MAP3K20: variants seen among roughly 807,000 people sequenced by gnomAD.
MAP3K20 encodes the protein mitogen-activated protein kinase kinase kinase 20, also known as HCCS-4.
Under a neutral mutation model 85.7 loss-of-function variants are expected in MAP3K20, and 40 were observed. That is an observed-to-expected ratio of 0.47 (90% CI 0.36 to 0.61). MAP3K20 has a LOEUF of 0.61. Ranked by LOEUF, MAP3K20 falls within the 20% of genes least tolerant of loss-of-function variation. MAP3K20 has a pLI of 0.00. For synonymous variants in MAP3K20, 325 were observed against 327.7 expected (o/e 0.99, Z 0.09); for missense variants, 817 against 961.7 (o/e 0.85, Z 1.99).
intron 2 of MAP3K20, among the ~76,000 whole-genome samples, chr2:173,130,741 A>C (rs146903760): frequency 6.6e-6 from 1 of 152,234 alleles, no homozygotes; most frequent in East Asian, 1.9e-4. Context: ...TATATGGAAC[A>C]GACTTTGCGA....
At chr2:173,106,780 T>C (rs1175017338) in intron 2 of MAP3K20, among the ~76,000 whole-genome samples, 1 of 152,020 alleles carries the variant, frequency 6.6e-6, no homozygotes, top group Non-Finnish European at 1.5e-5. Flanking sequence ...GAACAGGTAA[T>C]GATAGGTCAA....
At chr2:173,205,096 C>CT (rs1362359293) in intron 9 of MAP3K20, among the ~76,000 whole-genome samples, 1 of 123,414 alleles carries the variant, frequency 8.1e-6, no homozygotes, top group Non-Finnish European at 1.6e-5. Context: ...GAGCGAGACT[C>CT]TGTCTCAAAA....
chr2:173,220,396 T>C (rs1026332157), intron 11 of MAP3K20, among the ~76,000 whole-genome samples: 3 of 152,220 alleles, frequency 2.0e-5, no homozygotes, highest in Non-Finnish European at 4.4e-5. Flanking sequence ...ACTTGAATAT[T>C]AGAGCGTATT....
chr2:173,217,727 A>G (rs1270290498), intron 11 of MAP3K20, among the ~76,000 whole-genome samples: 2 of 152,214 alleles, frequency 1.3e-5, no homozygotes, highest in Non-Finnish European at 2.9e-5. Flanking sequence ...GCAAATGAGA[A>G]GCATTAATAT....
intron 14 of MAP3K20, among the ~76,000 whole-genome samples, chr2:173,233,662 C>T (rs1684579367): frequency 6.6e-6 from 1 of 152,156 alleles, no homozygotes; most frequent in Non-Finnish European, 1.5e-5. Flanking sequence ...AGGCAGCCTC[C>T]TGTCCAAATC....
chr2:173,154,064 G>T (rs1689384164), intron 2 of MAP3K20, among the ~76,000 whole-genome samples: 1 of 151,830 alleles, frequency 6.6e-6, no homozygotes, highest in South Asian at 2.1e-4. Flanking sequence ...CAGTCACACT[G>T]CTGTGTGTTA....
intron 1 of MAP3K20, among the ~76,000 whole-genome samples, chr2:173,083,608 A>G (rs1266691890): frequency 6.6e-6 from 1 of 152,188 alleles, no homozygotes; most frequent in Non-Finnish European, 1.5e-5. Context: ...CCTTGGTGTT[A>G]CGGACAAATA....
chr2:173,133,710 C>CT (rs964319611), intron 2 of MAP3K20, among the ~76,000 whole-genome samples: 1 of 151,818 alleles, frequency 6.6e-6, no homozygotes, highest in Non-Finnish European at 1.5e-5. Context: ...TCCGAGGCTC[C>CT]TGTGTGTGTG....
In MAP3K20 at chr2:173,189,951, C is replaced by T. The variant is rs140926780; in HGVS notation, c.416-944C>T. Among the ~76,000 whole-genome samples, 58 of 152,290 alleles carry T rather than the reference C, an allele frequency of 3.8e-4. No homozygotes were observed. In the East Asian group the frequency reaches 9.8e-3, roughly 26 times the overall value. ...ACAAAACCTTGAGTGCCAAGTGATG[C>T]CCTTGCCTCCAGGTCTATTCTTCTC... On this transcript the variant is annotated intron_variant, in intron 5 of 19. Coordinates refer to ENST00000375213, the MANE Select transcript of MAP3K20 (RefSeq NM_016653.3).
At chr2:173,155,917 T>C (rs1212909343) in intron 2 of MAP3K20, among the ~76,000 whole-genome samples, 1 of 152,228 alleles carries the variant, frequency 6.6e-6, no homozygotes, top group East Asian at 1.9e-4. Flanking sequence ...GATGTGCCAC[T>C]ATACCCAGCT....
intron 19 of MAP3K20, 39 bp downstream of exon 19, chr2:173,263,934 C>T (rs1685353881): frequency 1.9e-6 from 3 of 1,569,100 alleles, no homozygotes; most frequent in Non-Finnish European, 2.6e-6. Flanking sequence ...TGCTAGATTC[C>T]AGAAACTTAA....
At chr2:173,103,231 C>T (rs62175803) in intron 2 of MAP3K20, among the ~76,000 whole-genome samples, 4,451 of 152,156 alleles carry the variant, frequency 0.029, 100 homozygotes, top group Middle Eastern at 0.068. Flanking sequence ...TTCTTAACTA[C>T]ACAGTAAAGC....
chr2:173,126,231 GTT>G (rs1467772909), intron 2 of MAP3K20, among the ~76,000 whole-genome samples: 1 of 152,174 alleles, frequency 6.6e-6, no homozygotes, highest in African/African-American at 2.4e-5. Flanking sequence ...GTATTTTAGA[GTT>G]TCATATTATA....
At chr2:173,264,923 A>C (rs1253420212) in intron 19 of MAP3K20, among the ~76,000 whole-genome samples, 1 of 152,204 alleles carries the variant, frequency 6.6e-6, no homozygotes, top group Non-Finnish European at 1.5e-5. Context: ...TTGCAAGATG[A>C]AACAGTTACA....
chr2:173,206,124 A>G (rs1025733358), intron 9 of MAP3K20, among the ~76,000 whole-genome samples: 1 of 152,194 alleles, frequency 6.6e-6, no homozygotes, highest in African/African-American at 2.4e-5. Flanking sequence ...ATTGAATTTG[A>G]TTATTGCAGC....
intron 4 of MAP3K20, among the ~76,000 whole-genome samples, chr2:173,184,105 A>C (rs933631317): frequency 6.6e-6 from 1 of 152,166 alleles, no homozygotes. Context: ...GGGCATCTCA[A>C]ATCATGCTTA....
At chr2:173,242,221 G>A (rs996541512) in intron 16 of MAP3K20, among the ~76,000 whole-genome samples, 46 of 151,572 alleles carry the variant, frequency 3.0e-4, no homozygotes, top group African/African-American at 9.9e-4. Flanking sequence ...TGTTGCCCAG[G>A]ATGGAGTACA....
At chr2:173,139,720 A>C (rs952769991) in intron 2 of MAP3K20, among the ~76,000 whole-genome samples, 1 of 152,170 alleles carries the variant, frequency 6.6e-6, no homozygotes, top group African/African-American at 2.4e-5. Context: ...GTGCTTACTT[A>C]AGTAAAGGAA....
chr2:173,225,627 T>TA (rs1320837801), intron 11 of MAP3K20: 2 of 980,720 alleles, frequency 2.0e-6, no homozygotes, highest in Admixed American at 6.3e-5. Context: ...AACAACCCGG[T>TA]AGCATTGTCC....
Sources: gnomAD v4.1 joint callset for allele counts (sites outside exome capture counted in the v4.1 genomes callset) on GRCh38, gnomAD v4.1.1 for gene constraint, MANE v1.5 for transcripts, NCBI Gene and HGNC (gene_info 2026-07-23, HGNC 2026-07-21) for gene names.